ROR2: variants seen among roughly 807,000 people sequenced by gnomAD.
ROR2 encodes the protein ROR family WNT receptor 2.
ROR2 carries 33 observed loss-of-function variants against 74.9 expected under a neutral mutation model. That is an observed-to-expected ratio of 0.44 (90% CI 0.33 to 0.59). ROR2 has a LOEUF of 0.59. ROR2 is among the 20% of genes least tolerant of loss of function. ROR2 has a pLI of 0.02. For synonymous variants in ROR2, 586 were observed against 558.7 expected (o/e 1.05, Z -0.69); for missense variants, 1,216 against 1,313.8 (o/e 0.93, Z 1.15).
At chr9:91,730,717 G>C (rs1422938913) in intron 7 of ROR2, among the ~76,000 whole-genome samples, 193 bp downstream of exon 7, 2 of 152,100 alleles carry the variant, frequency 1.3e-5, no homozygotes, top group African/African-American at 4.8e-5. Context: ...GCCTCCCAAA[G>C]TGCTGGGATT....
In ROR2 at chr9:91,839,492, T is replaced by C. The variant is rs1046899844; in HGVS notation, c.98-63674A>G. ...AGGTGTATACGCGTGAGGATATGTG[T>C]GCACATGCTGTGGGTATGTGTGGTG... is the stretch of plus-strand genomic sequence containing the variant. On this transcript the variant is annotated intron_variant, in intron 1 of 8. Transcript: ENST00000375708. 3.3e-5 allele frequency among the ~76,000 whole-genome samples: 5 copies of C among 151,672 alleles called. No homozygotes were observed. The East Asian group carries it at 9.7e-4, about 29-fold the overall frequency.
rs1286131660 is a variant in ROR2, at chr9:91,757,369, G to T, written c.366C>A (p.Ile122=). The change falls in exon 3 of 9, where the codon ATC becomes ATA. Residue 122 remains isoleucine (I), a synonymous_variant. Coordinates refer to ENST00000375708, the MANE Select transcript of ROR2 (RefSeq NM_004560.4). ...RKTEYGSRLR[I]QDLDTTDTGY... is the part of the protein sequence containing the mutation. ...CAGTGTCTGTCGTGTCCAGGTCCTG[G>T]ATTCGCAGTCGTGAACCATATTCTG... 3 of 1,614,002 alleles carry T rather than the reference G, an allele frequency of 1.9e-6. No individual in the cohort carries two copies. In the East Asian group the frequency reaches 6.7e-5, roughly 36 times the overall value.
At chr9:91,914,633 T>C (rs1368565231) in intron 1 of ROR2, among the ~76,000 whole-genome samples, 1 of 152,126 alleles carries the variant, frequency 6.6e-6, no homozygotes. Flanking sequence ...GAGAGGCTTT[T>C]CCCCAAAACT....
intron 8 of ROR2, 149 bp downstream of exon 8, chr9:91,726,392 C>T (rs535949674): frequency 4.4e-4 from 344 of 788,268 alleles, no homozygotes; most frequent in Non-Finnish European, 6.3e-4. Context: ...ATCTAGTTTA[C>T]AGAAAAAAAA....
At chr9:91,899,504 G>C (rs975331484) in intron 1 of ROR2, among the ~76,000 whole-genome samples, 5 of 152,124 alleles carry the variant, frequency 3.3e-5, no homozygotes, top group African/African-American at 4.8e-5. Flanking sequence ...GTGCACACAT[G>C]GGGTAAAGAG....
intron 1 of ROR2, among the ~76,000 whole-genome samples, chr9:91,844,205 T>A (rs2119224968): frequency 6.6e-6 from 1 of 152,308 alleles, no homozygotes; most frequent in East Asian, 1.9e-4. Context: ...TTAAAGTGAT[T>A]ATTTTGATTT....
At chr9:91,796,137 G>C (rs1405017729) in intron 1 of ROR2, among the ~76,000 whole-genome samples, 1 of 152,170 alleles carries the variant, frequency 6.6e-6, no homozygotes, top group Admixed American at 6.5e-5. Flanking sequence ...GGGAAGATCT[G>C]TATGCTTCTA....
At chr9:91,746,480 A>T (rs778271972) in intron 4 of ROR2, among the ~76,000 whole-genome samples, 134 of 152,334 alleles carry the variant, frequency 8.8e-4, no homozygotes, top group Non-Finnish European at 1.6e-3. Context: ...TCTGAACTAG[A>T]CTTATGAAAA....
chr9:91,877,367 G>A (rs948587812), intron 1 of ROR2, among the ~76,000 whole-genome samples: 1 of 152,140 alleles, frequency 6.6e-6, no homozygotes, highest in Non-Finnish European at 1.5e-5. Flanking sequence ...AGCCTGTCAG[G>A]GGGTACATGG....
chr9:91,933,842 C>T (rs1389749446), intron 1 of ROR2, among the ~76,000 whole-genome samples: 1 of 151,968 alleles, frequency 6.6e-6, no homozygotes, highest in African/African-American at 2.4e-5. Flanking sequence ...AGGAAAAAGG[C>T]GGGGACGGGG....
At chr9:91,892,697 C>T (rs1830451445) in intron 1 of ROR2, among the ~76,000 whole-genome samples, 1 of 148,930 alleles carries the variant, frequency 6.7e-6, no homozygotes, top group Admixed American at 6.8e-5. Context: ...TCAAGCAATT[C>T]TCCTGCCTCA....
intron 1 of ROR2, among the ~76,000 whole-genome samples, chr9:91,814,142 CA>C (rs1447630663): frequency 6.6e-6 from 1 of 152,186 alleles, no homozygotes; most frequent in Non-Finnish European, 1.5e-5. Flanking sequence ...GAGCAGAGAT[CA>C]TACCTCTGCA....
At chr9:91,865,615 G>C (rs968544621) in intron 1 of ROR2, among the ~76,000 whole-genome samples, 2 of 152,198 alleles carry the variant, frequency 1.3e-5, no homozygotes, top group African/African-American at 4.8e-5. Context: ...CCTTTAAAAA[G>C]GGCCATGACA....
At chr9:91,836,098 G>A (rs1312548799) in intron 1 of ROR2, among the ~76,000 whole-genome samples, 1 of 152,070 alleles carries the variant, frequency 6.6e-6, no homozygotes, top group East Asian at 1.9e-4. Flanking sequence ...ACAAAACTTT[G>A]CACATGGAAT....
At chr9:91,779,746 C>G (rs1291098703) in intron 1 of ROR2, among the ~76,000 whole-genome samples, 1 of 152,144 alleles carries the variant, frequency 6.6e-6, no homozygotes, top group Non-Finnish European at 1.5e-5. Context: ...CACCCTAACC[C>G]TATGAACAGA....
At chr9:91,845,353 C>T (rs1297692348) in intron 1 of ROR2, among the ~76,000 whole-genome samples, 2 of 152,164 alleles carry the variant, frequency 1.3e-5, no homozygotes, top group Non-Finnish European at 2.9e-5. Flanking sequence ...CCAAGTCTTT[C>T]AGGTGATCTC....
chr9:91,946,481 A>G (rs569928920), intron 1 of ROR2, among the ~76,000 whole-genome samples: 6 of 152,350 alleles, frequency 3.9e-5, no homozygotes, highest in African/African-American at 1.2e-4. Flanking sequence ...GGAGTCCTTC[A>G]CAGTGTCCCC....
At chr9:91,734,268 A>G (rs186264674) in intron 5 of ROR2, among the ~76,000 whole-genome samples, 2 of 152,074 alleles carry the variant, frequency 1.3e-5, no homozygotes, top group East Asian at 1.9e-4. Flanking sequence ...TGGGCTCACT[A>G]CCCCATTTTC....
At chr9:91,904,922 CCACA>C (rs1023827221) in intron 1 of ROR2, among the ~76,000 whole-genome samples, 12 of 152,090 alleles carry the variant, frequency 7.9e-5, no homozygotes, top group African/African-American at 2.9e-4. Context: ...CGCACACACA[CCACA>C]CACACAGCAC....
Sources: allele counts gnomAD v4.1 joint callset (sites outside exome capture counted in the v4.1 genomes callset), GRCh38; gene constraint gnomAD v4.1.1; transcripts MANE v1.5; gene names NCBI Gene and HGNC (gene_info 2026-07-23, HGNC 2026-07-21).